BCL11B: variants seen among roughly 807,000 people sequenced by gnomAD.
The protein encoded by BCL11B is B-cell lymphoma/leukemia 11B.
A neutral mutation model predicts 49.9 loss-of-function variants in BCL11B; 8 were observed. The observed-to-expected ratio is 0.16, with a 90% CI of 0.09 to 0.29. The LOEUF is 0.29. Among genes scored for constraint, BCL11B ranks in the 10% least tolerant of loss-of-function variants. The pLI, the probability that BCL11B is intolerant of heterozygous loss-of-function variation, is 1.00. For missense variants in BCL11B, 1,006 were observed against 1,351.0 expected, an observed-to-expected ratio of 0.74 and a Z score of 4.00; for synonymous variants, 739 against 637.4, an observed-to-expected ratio of 1.16 and a Z score of -2.40.
At chr14:99,201,175 G>A (rs1273949745) in intron 3 of BCL11B, among the ~76,000 whole-genome samples, 3 of 152,186 alleles carry the variant, frequency 2.0e-5, no homozygotes, top group Admixed American at 2.0e-4. Flanking sequence ...AGAGGAAAAC[G>A]CAACCCTCGC....
At chr14:99,246,312 G>A (rs1042473719) in intron 2 of BCL11B, among the ~76,000 whole-genome samples, 1 of 152,224 alleles carries the variant, frequency 6.6e-6, no homozygotes, top group Non-Finnish European at 1.5e-5. Flanking sequence ...ATTATGCATG[G>A]ACCTTGAGCC....
intron 3 of BCL11B, 34 bp from the exon 4 acceptor site, chr14:99,176,229 G>C (rs777911830): frequency 6.3e-7 from 1 of 1,593,506 alleles, no homozygotes; most frequent in South Asian, 1.1e-5. Flanking sequence ...GGCAGAGACA[G>C]CGTGAGAAGC....
chr14:99,219,947 T>C (rs946738592), intron 3 of BCL11B, among the ~76,000 whole-genome samples: 4 of 152,188 alleles, frequency 2.6e-5, no homozygotes, highest in Non-Finnish European at 4.4e-5. Flanking sequence ...GTGGTGACTA[T>C]AGGGCCACAC....
intron 1 of BCL11B, chr14:99,264,053 G>A (rs1889411469): frequency 6.6e-6 from 1 of 152,166 alleles, no homozygotes; most frequent in African/African-American, 2.4e-5. Flanking sequence ...GAGCCACAAC[G>A]GGCTCCTAAC....
chr14:99,197,878 T>G (rs1455319525), intron 3 of BCL11B, among the ~76,000 whole-genome samples: 1 of 152,144 alleles, frequency 6.6e-6, no homozygotes, highest in East Asian at 1.9e-4. Context: ...GACTCTGCTG[T>G]GCAGGCCCCT....
chr14:99,267,859 GA>G (rs1889531866), intron 1 of BCL11B, among the ~76,000 whole-genome samples: 1 of 152,208 alleles, frequency 6.6e-6, no homozygotes, highest in Admixed American at 6.5e-5. Flanking sequence ...GGGTTGTTGA[GA>G]AAATCACCTT....
chr14:99,187,698 G>T (rs1339384912), intron 3 of BCL11B, among the ~76,000 whole-genome samples: 2 of 150,500 alleles, frequency 1.3e-5, no homozygotes, highest in Non-Finnish European at 2.9e-5. Context: ...GGCTGCAGGT[G>T]TGTGAGCGGG....
At chr14:99,214,989 C>T (rs995245544) in intron 3 of BCL11B, among the ~76,000 whole-genome samples, 53 of 152,244 alleles carry the variant, frequency 3.5e-4, no homozygotes, top group East Asian at 3.9e-4. Context: ...TTCCTCCTGA[C>T]GGCACTGTCA....
rs1257064632 is a variant in BCL11B at position 99,228,755 on chromosome 14, C to A, written c.640+2590G>T. Among the ~76,000 whole-genome samples, 1 of 152,242 alleles carries A rather than the reference C, an allele frequency of 6.6e-6. No individual in the cohort carries two copies. Reference sequence around the variant, plus strand: ...CCCACCTCCACCACTCCCTCCCTCCCTGCTCCTCCTTCCCCTTCTGCAGGT... The same window carrying A: ...CCCACCTCCACCACTCCCTCCCTCCATGCTCCTCCTTCCCCTTCTGCAGGT... On this transcript the variant is annotated intron_variant, in intron 3 of 3. Coordinates refer to ENST00000357195, the MANE Select transcript of BCL11B (RefSeq NM_138576.4). The surrounding 1 kb of genome is among the most constrained non-coding windows in gnomAD (Gnocchi z 4.8).
At position 99,213,036 on chromosome 14, in the gene BCL11B, G is replaced by A. The variant is rs1887731876; in HGVS notation, c.640+18309C>T. On this transcript the variant is annotated intron_variant, in intron 3 of 3. Coordinates refer to ENST00000357195, the MANE Select transcript of BCL11B (RefSeq NM_138576.4). The surrounding 1 kb of genome is among the most constrained non-coding windows in gnomAD (Gnocchi z 5.1). The stretch of plus-strand genomic sequence containing the variant: ...ACCAAGCCTGTCTCCACCTTCACCT[G>A]AGCAGGATGCCCACCAGGGGAGAGG... Among the ~76,000 whole-genome samples the A allele has an allele frequency of 6.6e-6, 1 of 152,218 alleles. No individual in the cohort carries two copies. The highest frequency in any genetic ancestry group is 1.5e-5 in the Non-Finnish European group (1 of 68,030).
chr14:99,271,149 G>A lies in BCL11B; in HGVS notation c.58+12C>T. On this transcript the variant is annotated intron_variant, in intron 1 of 3. Transcript: ENST00000357195. ...ATCTCCGGCCCCTCGCGCGCACTCC[G>A]CAGACACTTACGGGTGATGAGCTCC... 6.5e-7 allele frequency: 1 copy of A among 1,548,544 alleles called. No individual in the cohort carries two copies. Among genetic ancestry groups the A allele is most frequent in the Non-Finnish European group, 8.7e-7 (1 of 1,153,502 alleles).
At chr14:99,256,988 A>T (rs1352199679) in intron 2 of BCL11B, among the ~76,000 whole-genome samples, 1 of 152,162 alleles carries the variant, frequency 6.6e-6, no homozygotes, top group Non-Finnish European at 1.5e-5. Flanking sequence ...CTAAGTGCCT[A>T]CCAGGTCATG....
At chr14:99,236,240 C>A (rs534771595) in intron 2 of BCL11B, among the ~76,000 whole-genome samples, 1 of 151,974 alleles carries the variant, frequency 6.6e-6, no homozygotes, top group African/African-American at 2.4e-5. Flanking sequence ...AATTCGCACG[C>A]GGGCAAATAA....
rs1886222487 is a variant in BCL11B at position 99,169,596 on chromosome 14, C to T, written c.*4555G>A. On this transcript the variant is annotated 3_prime_UTR_variant, in exon 4 of 4. Coordinates refer to ENST00000357195, the MANE Select transcript of BCL11B (RefSeq NM_138576.4). ...CCAAACTTGTAGTAAAAGACAAAAC[C>T]TCCAAGTAAACAACAAAAGCTCATA... 4.8e-6 allele frequency: 1 copy of T among 209,056 alleles called. No homozygotes were observed. Among genetic ancestry groups the T allele is most frequent in the Admixed American group, 5.9e-5 (1 of 16,914 alleles). The allele number at this position is 209,056 out of a possible 1,614,324, so 13.0% of individuals were successfully genotyped here.
At position 99,243,133 on chromosome 14, in the gene BCL11B, G is replaced by C. The variant is rs535252249; in HGVS notation, c.428-11576C>G. Among the ~76,000 whole-genome samples the C allele has an allele frequency of 5.3e-5, 8 of 152,302 alleles. No homozygotes were observed. The East Asian group carries it at 1.2e-3, about 22-fold the overall frequency. The stretch of plus-strand genomic sequence containing the variant: ...ACCTTTTCTAGGGTATTCAGGTCAA[G>C]AGCAGCAGTGACACTATTCAGTATC... On this transcript the variant is annotated intron_variant, in intron 2 of 3. Coordinates refer to ENST00000357195, the MANE Select transcript of BCL11B (RefSeq NM_138576.4).
intron 3 of BCL11B, among the ~76,000 whole-genome samples, chr14:99,229,724 C>G (rs147488801): frequency 3.9e-5 from 6 of 152,168 alleles, no homozygotes; most frequent in African/African-American, 1.4e-4. Flanking sequence ...TTCTGTGCCA[C>G]GGAACTTGAC....
In BCL11B at chr14:99,173,820, G is replaced by T. The variant is rs1439882850; in HGVS notation, c.*331C>A. 6.1e-6 allele frequency: 2 copies of T among 329,132 alleles called. No individual in the cohort carries two copies. Among genetic ancestry groups the T allele is most frequent in the African/African-American group, 4.3e-5 (2 of 46,146 alleles). The allele number at this position is 329,132 out of a possible 1,614,324, so 20.4% of individuals were successfully genotyped here. On this transcript the variant is annotated 3_prime_UTR_variant, in exon 4 of 4. Transcript: ENST00000357195. ...ACTACCGGGTTAAAAAAAAAACAAAGAAGGGATGGATACCCAACAAAATCT... is the reference window on the plus strand; with the variant it reads ...ACTACCGGGTTAAAAAAAAAACAAATAAGGGATGGATACCCAACAAAATCT...
At chr14:99,191,967 C>T (rs1208688453) in intron 3 of BCL11B, among the ~76,000 whole-genome samples, 4 of 152,114 alleles carry the variant, frequency 2.6e-5, no homozygotes, top group Admixed American at 6.5e-5. Context: ...AGGATGACCA[C>T]GCAAGCTTAA....
rs1889218600 is a variant in BCL11B at position 99,257,842 on chromosome 14, G to A, written c.59-3C>T. On this transcript the variant is annotated splice_polypyrimidine_tract_variant and splice_region_variant and intron_variant, in intron 1 of 3. Transcript: ENST00000357195. The surrounding 1 kb of genome is among the most constrained non-coding windows in gnomAD (Gnocchi z 6.2). ...GGCCTCCACATGGTCAGCCTCTGCTGGAGACAGAAAGAAGAAAGGGAAGGG... is the reference window on the plus strand; with the variant it reads ...GGCCTCCACATGGTCAGCCTCTGCTAGAGACAGAAAGAAGAAAGGGAAGGG... 2 of 1,511,676 alleles carry A rather than the reference G, an allele frequency of 1.3e-6. No individual in the cohort carries two copies. The highest frequency in any genetic ancestry group is 1.4e-5 in the African/African-American group (1 of 71,880). 93.6% of individuals were successfully genotyped at this position (1,511,676 alleles called of 1,614,324 possible).
Sources: gnomAD v4.1 joint callset for allele counts (sites outside exome capture counted in the v4.1 genomes callset) on GRCh38, gnomAD v4.1.1 for gene constraint, Gnocchi (gnomAD v3.1) non-coding constraint, MANE v1.5 for transcripts, NCBI Gene and HGNC (gene_info 2026-07-23, HGNC 2026-07-21) for gene names.